The following RABGAP1L variants were observed in gnomAD, a reference collection of about 807,000 sequenced individuals.
RABGAP1L encodes RAB GTPase activating protein 1 like, also known as rab GTPase-activating protein 1-like.
A neutral mutation model predicts 137.7 loss-of-function variants in RABGAP1L; 63 were observed. That is an observed-to-expected ratio of 0.46 (90% CI 0.37 to 0.56). The LOEUF (loss-of-function observed/expected upper bound fraction) is 0.56, where lower values mean the gene tolerates loss of function less well. RABGAP1L is among the 20% of genes least tolerant of loss of function. The pLI is 0.00. For synonymous variants in RABGAP1L, 431 were observed against 433.7 expected, an observed-to-expected ratio of 0.99 and a Z score of 0.08; for missense variants, 1,095 against 1,244.0, an observed-to-expected ratio of 0.88 and a Z score of 1.80.
rs531465205 is a variant in RABGAP1L, at chr1:174,837,098, T to C, written c.2340+25138T>C. 2.3e-3 allele frequency among the ~76,000 whole-genome samples: 352 copies of C among 152,166 alleles called. 4 individuals carry two copies. Among genetic ancestry groups the C allele is most frequent in the Non-Finnish European group, 4.3e-4 (29 of 68,002 alleles). ...GGCGCATGCCTGTAATTCCAGTTACTTGGGGGGCTGAGGTGGGAGAATCAC... is the reference window on the plus strand; with the variant it reads ...GGCGCATGCCTGTAATTCCAGTTACCTGGGGGGCTGAGGTGGGAGAATCAC... On this transcript the variant is annotated intron_variant, in intron 19 of 25. Coordinates refer to ENST00000681986, the MANE Select transcript of RABGAP1L (RefSeq NM_001366446.1).
intron 17 of RABGAP1L, among the ~76,000 whole-genome samples, chr1:174,711,085 T>C (rs1680456618): frequency 6.6e-6 from 1 of 151,986 alleles, no homozygotes; most frequent in East Asian, 2.0e-4. Context: ...TTAGCAGTGC[T>C]AAGCCCCTCA....
At chr1:174,293,715 C>T (rs1451736032) in intron 10 of RABGAP1L, among the ~76,000 whole-genome samples, 1 of 151,986 alleles carries the variant, frequency 6.6e-6, no homozygotes, top group African/African-American at 2.4e-5. Context: ...CACTGAGATG[C>T]CGGTATTCAT....
At chr1:174,765,605 T>C (rs1335603451) in intron 18 of RABGAP1L, among the ~76,000 whole-genome samples, 1 of 151,986 alleles carries the variant, frequency 6.6e-6, no homozygotes, top group African/African-American at 2.4e-5. Flanking sequence ...GCAAATTTTT[T>C]TTTTTTTTTA....
At chr1:174,936,658 A>G (rs1216440665) in intron 19 of RABGAP1L, among the ~76,000 whole-genome samples, 2 of 152,112 alleles carry the variant, frequency 1.3e-5, no homozygotes, top group Admixed American at 6.5e-5. Context: ...TTGAACCTAA[A>G]TGACTGGACA....
chr1:174,363,623 C>T (rs532626796), intron 11 of RABGAP1L, among the ~76,000 whole-genome samples: 3 of 152,060 alleles, frequency 2.0e-5, no homozygotes, highest in Admixed American at 6.6e-5. Context: ...TTGTTTTGTT[C>T]TAGATCTTAG....
chr1:174,380,007 A>C (rs1285143205), intron 12 of RABGAP1L, among the ~76,000 whole-genome samples: 1 of 106,570 alleles, frequency 9.4e-6, no homozygotes, highest in Non-Finnish European at 1.9e-5. Context: ...AGGGTTGTTG[A>C]ATTTTGTCAA....
chr1:174,252,626 G>C, intron 7 of RABGAP1L, 36 bp downstream of exon 7: 4 of 1,591,842 alleles, frequency 2.5e-6, no homozygotes, highest in Non-Finnish European at 3.4e-6. Context: ...CCAAAAACTT[G>C]TATTGACATT....
At chr1:174,957,832 G>A (rs906649441) in intron 20 of RABGAP1L, 24 of 1,441,958 alleles carry the variant, frequency 1.7e-5, no homozygotes, top group Non-Finnish European at 2.3e-5. Flanking sequence ...AACTGTCCAG[G>A]TATGTTTTCA....
intron 13 of RABGAP1L, among the ~76,000 whole-genome samples, chr1:174,617,386 G>A (rs147923857): frequency 1.8e-4 from 28 of 152,236 alleles, no homozygotes; most frequent in Admixed American, 2.0e-4. Flanking sequence ...ACCAGGCTTT[G>A]TAAAACAAAA....
At chr1:174,624,946 C>T (rs979446013) in intron 13 of RABGAP1L, among the ~76,000 whole-genome samples, 5 of 150,482 alleles carry the variant, frequency 3.3e-5, no homozygotes, top group Non-Finnish European at 5.9e-5. Flanking sequence ...TCTTGGTTCA[C>T]TGCAACCTCC....
intron 19 of RABGAP1L, among the ~76,000 whole-genome samples, chr1:174,825,416 A>G (rs1159572236): frequency 2.0e-5 from 3 of 152,282 alleles, no homozygotes; most frequent in African/African-American, 7.2e-5. Context: ...AACTCTTGCT[A>G]CTTTTATCCT....
chr1:174,547,914 GA>G, intron 13 of RABGAP1L: 1 of 1,549,936 alleles, frequency 6.5e-7, no homozygotes, highest in African/African-American at 1.4e-5. Flanking sequence ...AGGTCTCCAT[GA>G]CACCCTGTAA....
At chr1:174,489,383 C>A (rs924791214) in intron 13 of RABGAP1L, among the ~76,000 whole-genome samples, 10 of 152,166 alleles carry the variant, frequency 6.6e-5, no homozygotes, top group Non-Finnish European at 1.3e-4. Context: ...TGAACAGACA[C>A]TTCTCAAAAG....
At chr1:174,812,996 G>A (rs562056065) in intron 19 of RABGAP1L, among the ~76,000 whole-genome samples, 10 of 152,176 alleles carry the variant, frequency 6.6e-5, no homozygotes, top group Admixed American at 2.0e-4. Context: ...GGGAGTAGTA[G>A]GAATGCTCAC....
intron 13 of RABGAP1L, among the ~76,000 whole-genome samples, chr1:174,584,360 G>C (rs1266132836): frequency 1.3e-5 from 2 of 152,092 alleles, no homozygotes; most frequent in Admixed American, 6.6e-5. Flanking sequence ...CTTTTTACTG[G>C]TGTTTCTCTA....
intron 17 of RABGAP1L, among the ~76,000 whole-genome samples, chr1:174,707,015 A>T (rs2148540066): frequency 6.6e-6 from 1 of 152,224 alleles, no homozygotes; most frequent in South Asian, 2.1e-4. Context: ...AATCTTTTGA[A>T]CTTTCTTGAA....
intron 19 of RABGAP1L, among the ~76,000 whole-genome samples, chr1:174,902,190 G>C (rs1317983597): frequency 6.6e-6 from 1 of 152,236 alleles, no homozygotes; most frequent in Non-Finnish European, 1.5e-5. Flanking sequence ...CAAAGAAGCA[G>C]TCTGGCTGCT....
intron 25 of RABGAP1L, among the ~76,000 whole-genome samples, chr1:174,989,401 C>T (rs1574090668): frequency 6.6e-6 from 1 of 152,200 alleles, no homozygotes; most frequent in Non-Finnish European, 1.5e-5. Flanking sequence ...TGTCACCAGC[C>T]TCCACCACAC....
At chr1:174,266,732 T>C (rs1359339040) in intron 7 of RABGAP1L, among the ~76,000 whole-genome samples, 1 of 152,156 alleles carries the variant, frequency 6.6e-6, no homozygotes, top group Non-Finnish European at 1.5e-5. Flanking sequence ...TGTGGTTGTG[T>C]TGCCTCTTTG....
Sources: gnomAD v4.1 joint callset for allele counts (sites outside exome capture counted in the v4.1 genomes callset) on GRCh38, gnomAD v4.1.1 for gene constraint, MANE v1.5 for transcripts, NCBI Gene and HGNC (gene_info 2026-07-23, HGNC 2026-07-21) for gene names.